HEATR5A: variants seen among roughly 807,000 people sequenced by gnomAD.
HEATR5A encodes HEAT repeat-containing protein 5A.
In HEATR5A, 178 loss-of-function variants were observed where a neutral mutation model predicts 218.8. The observed-to-expected ratio is 0.81, with a 90% CI of 0.72 to 0.92. HEATR5A has a LOEUF of 0.92. Ranked by LOEUF, HEATR5A falls within the 40% of genes least tolerant of loss-of-function variation. The pLI is 0.00. For missense variants in HEATR5A, 2,420 were observed against 2,418.9 expected, an observed-to-expected ratio of 1.00 and a Z score of -0.01; for synonymous variants, 864 against 871.6, an observed-to-expected ratio of 0.99 and a Z score of 0.15.
intron 10 of HEATR5A, among the ~76,000 whole-genome samples, chr14:31,381,114 G>A (rs1447470149): frequency 6.6e-6 from 1 of 152,120 alleles, no homozygotes. Flanking sequence ...CGGGCGTGGT[G>A]GCACATGCCT....
chr14:31,372,508 T>C (rs1439574461), intron 12 of HEATR5A, among the ~76,000 whole-genome samples: 1 of 152,066 alleles, frequency 6.6e-6, no homozygotes, highest in Non-Finnish European at 1.5e-5. Flanking sequence ...ATGAATTACT[T>C]TGTATGTAGA....
At chr14:31,300,757 A>G (rs1047442984) in intron 33 of HEATR5A, among the ~76,000 whole-genome samples, 1 of 152,102 alleles carries the variant, frequency 6.6e-6, no homozygotes, top group Non-Finnish European at 1.5e-5. Flanking sequence ...TTTGCCCAAT[A>G]TTGCCTTCCC....
At chr14:31,329,985 A>G (rs1900408617) in intron 22 of HEATR5A, among the ~76,000 whole-genome samples, 1 of 152,192 alleles carries the variant, frequency 6.6e-6, no homozygotes, top group Non-Finnish European at 1.5e-5. Context: ...TGCTGGGATT[A>G]TGGGCGTGAG....
At chr14:31,419,042 G>T (rs2031552234) in intron 1 of HEATR5A, among the ~76,000 whole-genome samples, 1 of 152,106 alleles carries the variant, frequency 6.6e-6, no homozygotes, top group South Asian at 2.1e-4. Flanking sequence ...TGTGACTAAA[G>T]TCAGATACAA....
chr14:31,399,074 A>C (rs910884917), intron 3 of HEATR5A, among the ~76,000 whole-genome samples: 1 of 152,202 alleles, frequency 6.6e-6, no homozygotes, highest in Non-Finnish European at 1.5e-5. Context: ...TTACACTTAC[A>C]TCTATGATCA....
intron 11 of HEATR5A, among the ~76,000 whole-genome samples, chr14:31,375,632 G>C (rs551126781): frequency 6.6e-6 from 1 of 152,116 alleles, no homozygotes; most frequent in South Asian, 2.1e-4. Context: ...GAACTCCTGG[G>C]CTCAAGCAAT....
intron 14 of HEATR5A, 129 bp downstream of exon 14, chr14:31,364,059 AC>A: frequency 1.8e-6 from 1 of 541,756 alleles, no homozygotes; most frequent in Non-Finnish European, 3.3e-6. Context: ...AACTCCCTAA[AC>A]CTCCTAGAAA....
chr14:31,403,145 C>T, intron 1 of HEATR5A, 96 bp from the exon 2 acceptor site: 1 of 599,332 alleles, frequency 1.7e-6, no homozygotes, highest in South Asian at 2.6e-5. Context: ...TAAATGTATA[C>T]ATTTTTTATA....
rs1297314799 is a variant in HEATR5A, at chr14:31,398,621, A to C, written c.447+52T>G. ...TCTTTGATTTGCTCAGGAAAGCATA[A>C]ACCAATAAAATGCTGTCTTTTCATT... is the stretch of plus-strand genomic sequence containing the variant. On this transcript the variant is annotated intron_variant, in intron 4 of 35. Transcript: ENST00000543095. 5.2e-6 allele frequency: 5 copies of C among 966,574 alleles called. No homozygotes were observed. The African/African-American group carries it at 8.1e-5, about 16-fold the overall frequency. 59.9% of individuals were successfully genotyped at this position (966,574 alleles called of 1,614,324 possible).
Position 31,302,440 on chromosome 14 carries a change from G to C in HEATR5A, c.5319C>G (p.Gly1773=). ...AAGCTGCAACTGTCGAAGATAACTGGCCCCCAGGTAACTTCACAGCAGTCT... is the reference window on the plus strand; with the variant it reads ...AAGCTGCAACTGTCGAAGATAACTGCCCCCCAGGTAACTTCACAGCAGTCT... ...LRETAVKLPG[G]QLSSTVAASL... Residue 1773 remains glycine, a synonymous_variant, in exon 33 of 36, where the codon GGC becomes GGG. Coordinates refer to ENST00000543095, the MANE Select transcript of HEATR5A (RefSeq NM_015473.4). 2 of 1,598,264 alleles carry C rather than the reference G, an allele frequency of 1.3e-6. No homozygotes were observed. Among genetic ancestry groups the C allele is most frequent in the Non-Finnish European group, 1.7e-6 (2 of 1,171,658 alleles).
chr14:31,364,275 T>C lies in HEATR5A; in HGVS notation c.1985A>G (p.Tyr662Cys). 1 of 1,540,664 alleles carries C rather than the reference T, an allele frequency of 6.5e-7. No homozygotes were observed. Among genetic ancestry groups the C allele is most frequent in the Non-Finnish European group, 8.8e-7 (1 of 1,136,998 alleles). ...LTQLSSILKMYGSPLKTPSVV... is the reference protein window; with the variant it reads ...LTQLSSILKMCGSPLKTPSVV... ...TGACGGTGTTTTCAAAGGACTTCCA[T>C]ACATTTTTAGTATTGAAGAAAGCCT... The change falls in exon 14 of 36, where the codon TAT becomes TGT. Residue 662 changes from tyrosine to cysteine, a missense_variant. By Grantham distance (194) the Tyr-to-Cys change is radical. Transcript: ENST00000543095.
chr14:31,392,165 G>T (rs2030478948), intron 6 of HEATR5A, among the ~76,000 whole-genome samples: 1 of 152,146 alleles, frequency 6.6e-6, no homozygotes, highest in Admixed American at 6.5e-5. Context: ...CCTGTTCAAT[G>T]CATAACATCA....
At chr14:31,330,064 C>G (rs1900410829) in intron 22 of HEATR5A, among the ~76,000 whole-genome samples, 3 of 152,228 alleles carry the variant, frequency 2.0e-5, no homozygotes, top group South Asian at 2.1e-4. Flanking sequence ...AGTGGGGACT[C>G]TGTGTGGGGG....
In HEATR5A at chr14:31,364,277, C is replaced by T. The variant is rs373741050; in HGVS notation, c.1983G>A (p.Met661Ile). 7.8e-5 allele frequency: 120 copies of T among 1,535,406 alleles called. 1 individual carries two copies. The African/African-American group carries it at 1.3e-3, about 17-fold the overall frequency. Residue 661 changes from methionine (M) to isoleucine (I), a missense_variant, in exon 14 of 36, where the codon ATG becomes ATA. Physicochemically the swap from Met to Ile is conservative, Grantham distance 10. Transcript: ENST00000543095. The stretch of plus-strand genomic sequence containing the variant: ...ACGGTGTTTTCAAAGGACTTCCATA[C>T]ATTTTTAGTATTGAAGAAAGCCTTA... ...LLTQLSSILKMYGSPLKTPSV... is the reference protein window; with the variant it reads ...LLTQLSSILKIYGSPLKTPSV...
Position 31,415,217 on chromosome 14 carries a change from G to A in HEATR5A, c.-75+5255C>T, listed in dbSNP as rs556148492. Among the ~76,000 whole-genome samples, 6 of 152,164 alleles carry A rather than the reference G, an allele frequency of 3.9e-5. No homozygotes were observed. In the South Asian group the frequency reaches 1.0e-3, roughly 26 times the overall value. ...AATTTAGCTAAATTTCTAACCTCTT[G>A]GAGCCTCACCTGAGGGCTTTCCTTG... is the stretch of plus-strand genomic sequence containing the variant. On this transcript the variant is annotated intron_variant, in intron 1 of 35. Transcript: ENST00000543095.
intron 1 of HEATR5A, among the ~76,000 whole-genome samples, chr14:31,409,390 CT>C (rs1464833481): frequency 2.0e-5 from 3 of 150,596 alleles, no homozygotes; most frequent in Admixed American, 2.0e-4. Flanking sequence ...AAAACCACAT[CT>C]AAGAGCAGTT....
rs574154428 is a variant in HEATR5A, at chr14:31,295,797, A to G, written c.5619+112T>C. 21 of 791,824 alleles carry G rather than the reference A, an allele frequency of 2.7e-5. 1 individual carries two copies. The highest frequency in any genetic ancestry group is 2.4e-4 in the African/African-American group (14 of 57,770). 49.0% of individuals were successfully genotyped at this position (791,824 alleles called of 1,614,324 possible). ...GAAATTAATCTTAAATCTAAAAATA[A>G]AAAAATTGTAGTCTAATACTTCCTA... is the stretch of plus-strand genomic sequence containing the variant. On this transcript the variant is annotated intron_variant, in intron 34 of 35. Transcript: ENST00000543095.
intron 23 of HEATR5A, among the ~76,000 whole-genome samples, chr14:31,324,414 T>C (rs1356020246): frequency 6.6e-6 from 1 of 152,222 alleles, no homozygotes; most frequent in Non-Finnish European, 1.5e-5. Flanking sequence ...ACTAATGCTA[T>C]GAAACAAACC....
At position 31,291,814 on chromosome 14, in the gene HEATR5A, G is replaced by GT. The variant is rs1899043208; in HGVS notation, c.*1490dup. 6.6e-6 allele frequency: 1 copy of GT among 152,156 alleles called. No homozygotes were observed. The highest frequency in any genetic ancestry group is 1.5e-5 in the Non-Finnish European group (1 of 68,024). The allele number at this position is 152,156 out of a possible 1,614,324, so 9.4% of individuals were successfully genotyped here. A position where few individuals can be genotyped will look rare whatever the true frequency, so the allele number is the denominator to read the frequency against. On this transcript the variant is annotated 3_prime_UTR_variant, in exon 36 of 36. Transcript: ENST00000543095. ...GATAATGAAAATTAGCTTTATTTATGTAATTTAGAAAAAATGATTGTAGTG... is the reference window on the plus strand; with the variant it reads ...GATAATGAAAATTAGCTTTATTTATGTTAATTTAGAAAAAATGATTGTAGTG...
Sources: allele counts gnomAD v4.1 joint callset (sites outside exome capture counted in the v4.1 genomes callset), GRCh38; gene constraint gnomAD v4.1.1; transcripts MANE v1.5; gene names NCBI Gene and HGNC (gene_info 2026-07-23, HGNC 2026-07-21).